Variants in DHRSX observed in about 807,000 individuals in gnomAD.
The protein encoded by DHRSX is polyprenol dehydrogenase.
A neutral mutation model predicts 34.0 loss-of-function variants in DHRSX; 31 were observed. The ratio of observed to expected loss-of-function variants is 0.91; its 90% CI spans 0.69 to 1.23. The LOEUF is 1.23. DHRSX is among the 50% of genes most tolerant of loss of function. The pLI is 0.00. For missense variants in DHRSX, 414 were observed against 428.1 expected, an observed-to-expected ratio of 0.97 and a Z score of 0.29; for synonymous variants, 201 against 183.8, an observed-to-expected ratio of 1.09 and a Z score of -0.76.
At chrX:2,474,047 G>C (rs1168964688) in intron 1 of DHRSX, among the ~76,000 whole-genome samples, 2 of 151,958 alleles carry the variant, frequency 1.3e-5, no homozygotes, top group Non-Finnish European at 2.9e-5. Context: ...ACTGTGCCTG[G>C]GATGGGCGGT....
At chrX:2,337,608 G>A (rs541127261) in intron 3 of DHRSX, among the ~76,000 whole-genome samples, 27 of 152,104 alleles carry the variant, frequency 1.8e-4, no homozygotes, top group Middle Eastern at 3.4e-3. Context: ...CCTCAGGATC[G>A]AGAAAAGGTG....
chrX:2,419,537 T>C (rs1190468400), intron 2 of DHRSX, among the ~76,000 whole-genome samples: 2 of 152,124 alleles, frequency 1.3e-5, no homozygotes, highest in Non-Finnish European at 2.9e-5. Flanking sequence ...ATAGCAGCAC[T>C]ATTCACAATA....
intron 3 of DHRSX, among the ~76,000 whole-genome samples, chrX:2,308,600 T>C (rs1228656312): frequency 6.6e-6 from 1 of 152,166 alleles, no homozygotes; most frequent in Non-Finnish European, 1.5e-5. Flanking sequence ...AGGGCTAACT[T>C]GAAAATCATA....
At chrX:2,441,946 C>T (rs747188606) in intron 1 of DHRSX, among the ~76,000 whole-genome samples, 103 of 152,116 alleles carry the variant, frequency 6.8e-4, no homozygotes, top group Admixed American at 6.4e-3. Context: ...TGGTGGCGTG[C>T]GCCTGTAGGC....
chrX:2,336,438 T>G (rs951857469), intron 3 of DHRSX: 4 of 152,282 alleles, frequency 2.6e-5, no homozygotes, highest in African/African-American at 9.6e-5. Flanking sequence ...CAAGGTTAAC[T>G]GCCTTCACAT....
chrX:2,335,228 C>T (rs1056918942), intron 3 of DHRSX, among the ~76,000 whole-genome samples: 28 of 151,258 alleles, frequency 1.9e-4, no homozygotes, highest in Admixed American at 7.3e-4. Context: ...CAGTTGAGGA[C>T]GCACCCATGA....
chrX:2,282,789 A>AGG (rs2124480392), intron 4 of DHRSX, among the ~76,000 whole-genome samples: 1 of 72,510 alleles, frequency 1.4e-5, no homozygotes, highest in Non-Finnish European at 3.0e-5. Context: ...AGGGGGAGAG[A>AGG]GAGAAGAAAG....
At chrX:2,457,890 A>T (rs1483696612) in intron 1 of DHRSX, among the ~76,000 whole-genome samples, 4 of 151,458 alleles carry the variant, frequency 2.6e-5, no homozygotes, top group Non-Finnish European at 5.9e-5. Context: ...CAGCCAAGAG[A>T]CGGCAGGGAA....
intron 5 of DHRSX, among the ~76,000 whole-genome samples, chrX:2,250,792 C>G (rs1178884131): frequency 1.3e-5 from 2 of 152,150 alleles, no homozygotes; most frequent in African/African-American, 4.8e-5. Context: ...AGGTCTCAGC[C>G]TCATGTTACG....
At chrX:2,246,742 AAG>A (rs2016303368) in intron 5 of DHRSX, among the ~76,000 whole-genome samples, 2 of 115,694 alleles carry the variant, frequency 1.7e-5, no homozygotes, top group South Asian at 2.7e-4. Flanking sequence ...GAAAGAAAGA[AAG>A]AAAGAAAAAG....
Position 2,471,339 on chromosome X carries a change from G to T in DHRSX, c.109+29478C>A, listed in dbSNP as rs1319108549. Among the ~76,000 whole-genome samples, 5 of 152,162 alleles carry T rather than the reference G, an allele frequency of 3.3e-5. No individual in the cohort carries two copies. The South Asian group carries it at 8.3e-4, about 25-fold the overall frequency. ...CCCAGCGCTTTGGGAGGCCGAGGTGGGTGGATCACCTGAGGTCACGAGTTC... is the reference window on the plus strand; with the variant it reads ...CCCAGCGCTTTGGGAGGCCGAGGTGTGTGGATCACCTGAGGTCACGAGTTC... On this transcript the variant is annotated intron_variant, in intron 1 of 6. Coordinates refer to ENST00000334651, the MANE Select transcript of DHRSX (RefSeq NM_145177.3).
intron 1 of DHRSX, among the ~76,000 whole-genome samples, chrX:2,458,925 T>A (rs191527511): frequency 0.025 from 3,719 of 150,962 alleles, 76 homozygotes; most frequent in Admixed American, 0.047. Flanking sequence ...GGATCACTTC[T>A]GCCCAGGAAT....
At chrX:2,302,119 T>G (rs186734366) in intron 3 of DHRSX, among the ~76,000 whole-genome samples, 227 of 152,192 alleles carry the variant, frequency 1.5e-3, no homozygotes, top group African/African-American at 5.0e-3. Flanking sequence ...TAACACAACA[T>G]CCAAGAGTCA....
At chrX:2,345,024 G>C (rs1448165884) in intron 3 of DHRSX, among the ~76,000 whole-genome samples, 2 of 151,196 alleles carry the variant, frequency 1.3e-5, no homozygotes, top group African/African-American at 4.9e-5. Context: ...GACCCCTGCA[G>C]TCTACCCTAT....
At chrX:2,397,930 G>GCACACACACGCACACACACACA (rs1556505706) in intron 3 of DHRSX, among the ~76,000 whole-genome samples, 1 of 138,430 alleles carries the variant, frequency 7.2e-6, no homozygotes, top group African/African-American at 2.9e-5. Context: ...CTCAGAGCGC[G>GCACACACACGCACACACACACA]CACACACACA....
At chrX:2,265,521 C>T (rs1481591280) in intron 5 of DHRSX, among the ~76,000 whole-genome samples, 2 of 125,548 alleles carry the variant, frequency 1.6e-5, no homozygotes, top group African/African-American at 3.1e-5. Context: ...CACCAGTGTC[C>T]AGCAGATGCA....
chrX:2,395,377 C>T (rs1468169650), intron 3 of DHRSX, among the ~76,000 whole-genome samples: 18 of 152,226 alleles, frequency 1.2e-4, no homozygotes, highest in South Asian at 8.3e-4. Flanking sequence ...AGTCCCTGCG[C>T]GCACCACAAA....
chrX:2,404,948 G>A (rs2043533274), intron 3 of DHRSX, among the ~76,000 whole-genome samples: 3 of 152,202 alleles, frequency 2.0e-5, no homozygotes. Context: ...ATCTGGCCAG[G>A]CTGCTGCCAC....
chrX:2,405,760 G>A (rs1399108878), intron 3 of DHRSX, among the ~76,000 whole-genome samples: 2 of 151,894 alleles, frequency 1.3e-5, no homozygotes, highest in Non-Finnish European at 2.9e-5. Context: ...TAACACCACT[G>A]TACTCCAGCC....
Sources: gnomAD v4.1 joint callset for allele counts (sites outside exome capture counted in the v4.1 genomes callset) on GRCh38, gnomAD v4.1.1 for gene constraint, MANE v1.5 for transcripts, NCBI Gene and HGNC (gene_info 2026-07-23, HGNC 2026-07-21) for gene names.